Variants in BCAS3 observed in about 807,000 individuals in gnomAD.
BCAS3 encodes BCAS4/BCAS3 fusion.
A neutral mutation model predicts 116.1 loss-of-function variants in BCAS3; 53 were observed. The observed-to-expected ratio is 0.46, with a 90% CI of 0.37 to 0.57. The LOEUF is 0.57. Ranked by LOEUF, BCAS3 falls within the 20% of genes least tolerant of loss-of-function variation. The pLI is 0.00. For synonymous variants in BCAS3, 391 were observed against 408.2 expected, an observed-to-expected ratio of 0.96 and a Z score of 0.51; for missense variants, 917 against 1,165.4, an observed-to-expected ratio of 0.79 and a Z score of 3.10.
intron 19 of BCAS3, among the ~76,000 whole-genome samples, chr17:61,069,702 G>A (rs557870007): frequency 6.6e-6 from 1 of 152,090 alleles, no homozygotes; most frequent in East Asian, 1.9e-4. Flanking sequence ...GCCAGGCATG[G>A]TGGCGCACGC....
Position 61,367,952 on chromosome 17 carries a change from G to T in BCAS3, c.2426-375G>T, listed in dbSNP as rs930393805. The T allele has an allele frequency of 3.0e-5, 5 of 165,524 alleles. No individual in the cohort carries two copies. The highest frequency in any genetic ancestry group is 6.5e-5 in the Non-Finnish European group (5 of 77,046). The allele number at this position is 165,524 out of a possible 1,614,324, so 10.3% of individuals were successfully genotyped here. A position where few individuals can be genotyped will look rare whatever the true frequency, so the allele number is the denominator to read the frequency against. On this transcript the variant is annotated intron_variant, in intron 22 of 23. Coordinates refer to ENST00000407086, the MANE Select transcript of BCAS3 (RefSeq NM_017679.5). The surrounding 1 kb of genome is among the most constrained non-coding windows in gnomAD (Gnocchi z 6.2). ...TAAGGCACCACTCCCCGCCCTAAAT[G>T]AAATTGTAGATGGAATCCCATTGTA... is the stretch of plus-strand genomic sequence containing the variant.
intron 21 of BCAS3, among the ~76,000 whole-genome samples, chr17:61,080,884 AT>A (rs896094045): frequency 3.3e-5 from 5 of 151,884 alleles, no homozygotes; most frequent in Non-Finnish European, 7.4e-5. Context: ...TCTTCTCTGC[AT>A]TTTTTTTGTT....
rs2057882222 is a variant in BCAS3 at position 61,352,057 on chromosome 17, G to A, written c.2426-16270G>A. ...TACCTATTTTTTTCCCCAATCTGAG[G>A]GATACAAGAAAACTATTCTAGTAGT... On this transcript the variant is annotated intron_variant, in intron 22 of 23. Transcript: ENST00000407086. This position sits in a 1 kb window ranked among gnomAD's most constrained non-coding sequence, Gnocchi z 4.7. Among the ~76,000 whole-genome samples the A allele has an allele frequency of 6.6e-6, 1 of 152,122 alleles. No homozygotes were observed. The highest frequency in any genetic ancestry group is 1.5e-5 in the Non-Finnish European group (1 of 68,032).
intron 22 of BCAS3, among the ~76,000 whole-genome samples, chr17:61,119,280 T>A (rs2075660104): frequency 6.6e-6 from 1 of 152,200 alleles, no homozygotes; most frequent in African/African-American, 2.4e-5. Context: ...ATCTTACATA[T>A]GAATTTAGAT....
rs974884664 is a variant in BCAS3, at chr17:61,095,243, A to G, written c.2425+10679A>G. Reference sequence around the variant, plus strand: ...CAGAACAGATAGAATGCAATAGCAGATATGAGAATCTAGCTGTTGTCTATT... The same window carrying G: ...CAGAACAGATAGAATGCAATAGCAGGTATGAGAATCTAGCTGTTGTCTATT... On this transcript the variant is annotated intron_variant, in intron 22 of 23. Transcript: ENST00000407086. This position sits in a 1 kb window ranked among gnomAD's most constrained non-coding sequence, Gnocchi z 4.7. 1.3e-5 allele frequency among the ~76,000 whole-genome samples: 2 copies of G among 152,240 alleles called. No homozygotes were observed. The highest frequency in any genetic ancestry group is 1.9e-4 in the East Asian group (1 of 5,188).
At chr17:61,295,800 A>AG (rs1196826441) in intron 22 of BCAS3, among the ~76,000 whole-genome samples, 1 of 151,844 alleles carries the variant, frequency 6.6e-6, no homozygotes, top group Non-Finnish European at 1.5e-5. Context: ...AAAAAAAAAA[A>AG]AAAAATTAGC....
intron 6 of BCAS3, among the ~76,000 whole-genome samples, chr17:60,775,007 G>T (rs2045131987): frequency 1.3e-5 from 2 of 152,234 alleles, no homozygotes; most frequent in Admixed American, 1.3e-4. Context: ...GATGACTTAA[G>T]AGTGCTTAGG....
chr17:61,110,842 T>C (rs1417768782), intron 22 of BCAS3, among the ~76,000 whole-genome samples: 8 of 152,192 alleles, frequency 5.3e-5, no homozygotes, highest in African/African-American at 1.9e-4. Flanking sequence ...TAAATGTCCC[T>C]GTCTGACAGC....
chr17:61,062,096 A>G (rs2070115059), intron 19 of BCAS3, among the ~76,000 whole-genome samples: 2 of 152,172 alleles, frequency 1.3e-5, no homozygotes, highest in Non-Finnish European at 2.9e-5. Flanking sequence ...GTTTGCTTGC[A>G]TATATTGACT....
chr17:61,157,578 C>CTCTT (rs2077924352), intron 22 of BCAS3: 1 of 150,974 alleles, frequency 6.6e-6, no homozygotes, highest in African/African-American at 2.4e-5. Context: ...CTCTGTTTCT[C>CTCTT]TCTTTCTCTC....
intron 14 of BCAS3, among the ~76,000 whole-genome samples, chr17:60,983,931 G>C (rs2062969307): frequency 2.0e-5 from 3 of 151,898 alleles, no homozygotes; most frequent in East Asian, 3.9e-4. Context: ...CCTTCCTCTT[G>C]CTTTTCTACG....
chr17:60,920,512 G>A (rs568336574), intron 12 of BCAS3, among the ~76,000 whole-genome samples: 1 of 152,250 alleles, frequency 6.6e-6, no homozygotes, highest in South Asian at 2.1e-4. Flanking sequence ...CTCATCATCA[G>A]GGAAATGCTA....
rs539803781 is a variant in BCAS3 at position 61,364,378 on chromosome 17, A to G, written c.2426-3949A>G. Among the ~76,000 whole-genome samples the G allele has an allele frequency of 8.3e-4, 127 of 152,342 alleles. 1 individual carries two copies. The highest frequency in any genetic ancestry group is 2.8e-3 in the African/African-American group (117 of 41,596). On this transcript the variant is annotated intron_variant, in intron 22 of 23. Coordinates refer to ENST00000407086, the MANE Select transcript of BCAS3 (RefSeq NM_017679.5). The surrounding 1 kb of genome is among the most constrained non-coding windows in gnomAD (Gnocchi z 5.4). ...TTAAATGTCATTGGTTGAAGGTGACAGGAGTTCTCAAAATGGTAGGAAAGA... is the reference window on the plus strand; with the variant it reads ...TTAAATGTCATTGGTTGAAGGTGACGGGAGTTCTCAAAATGGTAGGAAAGA...
At chr17:60,778,664 T>C (rs2045521182) in intron 6 of BCAS3, among the ~76,000 whole-genome samples, 1 of 152,220 alleles carries the variant, frequency 6.6e-6, no homozygotes, top group Non-Finnish European at 1.5e-5. Context: ...TCCTACAGTC[T>C]ATAAATCTTT....
chr17:60,860,132 C>T (rs967992325), intron 7 of BCAS3, among the ~76,000 whole-genome samples: 4 of 152,126 alleles, frequency 2.6e-5, no homozygotes, highest in Admixed American at 2.0e-4. Flanking sequence ...ATAAGCATTC[C>T]CTTTTCTCCA....
At chr17:61,358,043 A>G (rs1406512744) in intron 22 of BCAS3, among the ~76,000 whole-genome samples, 2 of 151,546 alleles carry the variant, frequency 1.3e-5, no homozygotes, top group Non-Finnish European at 2.9e-5. Flanking sequence ...AGCTGAAAGC[A>G]TGCCACTGCC....
At chr17:60,762,024 A>G (rs966517109) in intron 6 of BCAS3, among the ~76,000 whole-genome samples, 3 of 152,126 alleles carry the variant, frequency 2.0e-5, no homozygotes, top group Admixed American at 2.0e-4. Context: ...GGGTCTGTTC[A>G]TATCCTTTGC....
chr17:60,956,912 T>G lies in BCAS3; in HGVS notation c.1221+9560T>G, dbSNP rs1003227639. 2.0e-5 allele frequency among the ~76,000 whole-genome samples: 3 copies of G among 152,132 alleles called. No individual in the cohort carries two copies. Among genetic ancestry groups the G allele is most frequent in the African/African-American group, 7.2e-5 (3 of 41,438 alleles). ...CTCTTTGAGTACTACAAAAGCATGTTTTTCTGGATTCTTCCAAGAACTCTG... is the reference window on the plus strand; with the variant it reads ...CTCTTTGAGTACTACAAAAGCATGTGTTTCTGGATTCTTCCAAGAACTCTG... On this transcript the variant is annotated intron_variant, in intron 14 of 23. Transcript: ENST00000407086. This position sits in a 1 kb window ranked among gnomAD's most constrained non-coding sequence, Gnocchi z 4.2.
At chr17:60,969,726 G>T (rs74828523) in intron 14 of BCAS3, among the ~76,000 whole-genome samples, 5 of 152,098 alleles carry the variant, frequency 3.3e-5, no homozygotes, top group Non-Finnish European at 5.9e-5. Flanking sequence ...CCATGTCAAA[G>T]GACATCATAG....
Sources: gnomAD v4.1 joint callset for allele counts (sites outside exome capture counted in the v4.1 genomes callset) on GRCh38, gnomAD v4.1.1 for gene constraint, Gnocchi (gnomAD v3.1) non-coding constraint, MANE v1.5 for transcripts, NCBI Gene and HGNC (gene_info 2026-07-23, HGNC 2026-07-21) for gene names.